Variants in CBLB observed in about 807,000 individuals in gnomAD.
CBLB encodes E3 ubiquitin-protein ligase CBL-B.
A neutral mutation model predicts 104.9 loss-of-function variants in CBLB; 31 were observed. The ratio of observed to expected loss-of-function variants is 0.30; its 90% CI spans 0.22 to 0.40. CBLB has a LOEUF of 0.40. Among genes scored for constraint, CBLB ranks in the 10% least tolerant of loss-of-function variants. CBLB has a pLI of 1.00. For missense variants in CBLB, 1,062 were observed against 1,214.6 expected (o/e 0.87, Z 1.87); for synonymous variants, 440 against 422.6 (o/e 1.04, Z -0.51).
Position 105,861,165 on chromosome 3 carries a change from A to C in CBLB, c.168+6245T>G, listed in dbSNP as rs191727692. The stretch of plus-strand genomic sequence containing the variant: ...AAAAACCTTTAGTAAAATTGTAATA[A>C]TATTATTAATATATGCCCAAGCAGA... On this transcript the variant is annotated intron_variant, in intron 2 of 18. Coordinates refer to ENST00000394030, the MANE Select transcript of CBLB (RefSeq NM_170662.5). Among the ~76,000 whole-genome samples the C allele has an allele frequency of 4.2e-3, 632 of 152,230 alleles. 5 individuals carry two copies. The highest frequency in any genetic ancestry group is 0.015 in the African/African-American group (611 of 41,544).
At chr3:105,838,310 C>T (rs1303260693) in intron 3 of CBLB, among the ~76,000 whole-genome samples, 2 of 126,180 alleles carry the variant, frequency 1.6e-5, no homozygotes, top group Non-Finnish European at 3.1e-5. Context: ...ACCCAGGCTC[C>T]TAACACCATT....
At chr3:105,856,804 G>A (rs1379031057) in intron 2 of CBLB, among the ~76,000 whole-genome samples, 2 of 152,116 alleles carry the variant, frequency 1.3e-5, no homozygotes, top group Admixed American at 1.3e-4. Flanking sequence ...GAAAATGGCT[G>A]ACAGAGCTTT....
At chr3:105,690,963 CTTA>C (rs1033830271) in intron 13 of CBLB, among the ~76,000 whole-genome samples, 29 of 152,088 alleles carry the variant, frequency 1.9e-4, no homozygotes, top group Non-Finnish European at 4.0e-4. Flanking sequence ...AAGAAAAATG[CTTA>C]TGATAATGTT....
At chr3:105,844,131 C>T (rs1468596597) in intron 3 of CBLB, among the ~76,000 whole-genome samples, 1 of 152,194 alleles carries the variant, frequency 6.6e-6, no homozygotes, top group Non-Finnish European at 1.5e-5. Context: ...AGAGAACAGA[C>T]TTACGCTGCC....
intron 6 of CBLB, among the ~76,000 whole-genome samples, chr3:105,741,560 T>C (rs900801557): frequency 6.6e-6 from 1 of 152,136 alleles, no homozygotes; most frequent in African/African-American, 2.4e-5. Flanking sequence ...CACACCCAGC[T>C]AATTTTTTTG....
Position 105,659,195 on chromosome 3 carries a change from T to C in CBLB, c.2724A>G (p.Pro908=), listed in dbSNP as rs981717225. 2 of 1,613,858 alleles carry C rather than the reference T, an allele frequency of 1.2e-6. No homozygotes were observed. Among genetic ancestry groups the C allele is most frequent in the African/African-American group, 2.7e-5 (2 of 74,900 alleles). The change falls in exon 19 of 19, where the codon CCA becomes CCG. Residue 908 remains proline, a synonymous_variant. Coordinates refer to ENST00000394030, the MANE Select transcript of CBLB (RefSeq NM_170662.5). ...GSQAPARPPK[P]RPRRTAPEIH... ...TTTCTGGTGCAGTCCTGCGCGGTCG[T>C]GGTTTAGGGGGTCTGGCTGGTGCCT...
intron 10 of CBLB, among the ~76,000 whole-genome samples, chr3:105,718,628 A>G (rs1353130286): frequency 6.6e-6 from 1 of 152,190 alleles, no homozygotes; most frequent in Non-Finnish European, 1.5e-5. Context: ...ACAATGGCAA[A>G]TAGGTTTCAT....
chr3:105,757,501 C>T (rs534202024), intron 4 of CBLB, among the ~76,000 whole-genome samples: 1 of 152,258 alleles, frequency 6.6e-6, no homozygotes, highest in Non-Finnish European at 1.5e-5. Context: ...CAAGGTATTA[C>T]TACTTTATCT....
At chr3:105,742,173 A>C (rs565573639) in intron 6 of CBLB, among the ~76,000 whole-genome samples, 84 of 152,216 alleles carry the variant, frequency 5.5e-4, no homozygotes, top group Non-Finnish European at 1.1e-3. Context: ...GCAGATCAAA[A>C]ACAAACCAAC....
chr3:105,715,075 T>C (rs2071656183), intron 10 of CBLB, among the ~76,000 whole-genome samples: 1 of 152,260 alleles, frequency 6.6e-6, no homozygotes, highest in Non-Finnish European at 1.5e-5. Context: ...TGGTGACTAA[T>C]ACTGTGAAAA....
At chr3:105,723,534 T>C (rs114851511) in intron 9 of CBLB, among the ~76,000 whole-genome samples, 107 of 152,252 alleles carry the variant, frequency 7.0e-4, no homozygotes, top group African/African-American at 2.5e-3. Context: ...ATTTCAACCA[T>C]TAATACTGTA....
chr3:105,680,217 T>C (rs1408283209), intron 16 of CBLB, among the ~76,000 whole-genome samples: 1 of 152,056 alleles, frequency 6.6e-6, no homozygotes, highest in Non-Finnish European at 1.5e-5. Context: ...AATTTATTCA[T>C]CAAATGCAAG....
At chr3:105,753,668 C>T (rs963981691) in intron 4 of CBLB, among the ~76,000 whole-genome samples, 6 of 151,948 alleles carry the variant, frequency 3.9e-5, no homozygotes, top group Admixed American at 6.6e-5. Context: ...AAGTATACAA[C>T]GTAAAGTGGT....
intron 4 of CBLB, among the ~76,000 whole-genome samples, chr3:105,765,553 T>A (rs2078127777): frequency 6.6e-6 from 1 of 152,160 alleles, no homozygotes; most frequent in Admixed American, 6.5e-5. Context: ...ACAGGCTGAC[T>A]CTTGTTAGTG....
At chr3:105,846,946 T>A (rs1454092852) in intron 3 of CBLB, among the ~76,000 whole-genome samples, 2 of 152,088 alleles carry the variant, frequency 1.3e-5, no homozygotes, top group Admixed American at 1.3e-4. Context: ...TTTGTATAAA[T>A]ATAAATTTAA....
At chr3:105,796,175 A>G (rs919372222) in intron 3 of CBLB, among the ~76,000 whole-genome samples, 3 of 152,224 alleles carry the variant, frequency 2.0e-5, no homozygotes, top group Non-Finnish European at 4.4e-5. Flanking sequence ...GAGACATCAC[A>G]ATACCTGACT....
At chr3:105,788,364 A>G (rs2081263337) in intron 3 of CBLB, among the ~76,000 whole-genome samples, 1 of 152,192 alleles carries the variant, frequency 6.6e-6, no homozygotes, top group Admixed American at 6.5e-5. Flanking sequence ...TAAAAAAAAA[A>G]GCAGGAGTGT....
intron 3 of CBLB, among the ~76,000 whole-genome samples, chr3:105,823,281 C>T (rs1404425207): frequency 6.6e-6 from 1 of 152,130 alleles, no homozygotes; most frequent in Non-Finnish European, 1.5e-5. Context: ...TGGGGTGGCC[C>T]TGAAACAGAA....
intron 3 of CBLB, among the ~76,000 whole-genome samples, chr3:105,833,329 G>A (rs2153081818): frequency 6.6e-6 from 1 of 152,266 alleles, no homozygotes; most frequent in Admixed American, 6.5e-5. Flanking sequence ...TGATTCTGAA[G>A]AACATTCCAG....
Sources: allele counts gnomAD v4.1 joint callset (sites outside exome capture counted in the v4.1 genomes callset), GRCh38; gene constraint gnomAD v4.1.1; transcripts MANE v1.5; gene names NCBI Gene and HGNC (gene_info 2026-07-23, HGNC 2026-07-21).